MEIKIN: variants seen among roughly 807,000 people sequenced by gnomAD.
MEIKIN encodes meiotic kinetochore factor.
chr5:131,844,720 G>A (rs938190799), intron 11 of MEIKIN, among the ~76,000 whole-genome samples: 2 of 152,110 alleles, frequency 1.3e-5, no homozygotes, highest in Non-Finnish European at 2.9e-5. Context: ...ACAATATTGG[G>A]AACAGTACCT....
intron 5 of MEIKIN, among the ~76,000 whole-genome samples, chr5:131,930,151 G>A (rs1222551488): frequency 1.3e-5 from 2 of 152,170 alleles, no homozygotes; most frequent in African/African-American, 2.4e-5. Flanking sequence ...TGTACCAGCA[G>A]TGTATAAGCT....
At chr5:131,937,695 C>T (rs910745549) in intron 4 of MEIKIN, among the ~76,000 whole-genome samples, 3 of 152,046 alleles carry the variant, frequency 2.0e-5, no homozygotes, top group Admixed American at 1.3e-4. Context: ...ATTCTGAATA[C>T]GTTTTTCTCT....
At chr5:131,879,660 TCTC>T (rs1750672398) in intron 8 of MEIKIN, among the ~76,000 whole-genome samples, 3 of 152,314 alleles carry the variant, frequency 2.0e-5, no homozygotes, top group South Asian at 2.1e-4. Context: ...CTTTATTTCC[TCTC>T]CTCCTATTTA....
intron 4 of MEIKIN, among the ~76,000 whole-genome samples, chr5:131,934,791 CTCATGCCTGTAA>C (rs1751745945): frequency 6.6e-6 from 1 of 152,196 alleles, no homozygotes; most frequent in Admixed American, 6.5e-5. Context: ...GGTGCAGTGG[CTCATGCCTGTAA>C]TCCCAGCACT....
chr5:131,821,630 CTTT>C (rs375765946), intron 11 of MEIKIN, among the ~76,000 whole-genome samples: 81 of 50,434 alleles, frequency 1.6e-3, no homozygotes, highest in African/African-American at 8.7e-3. Flanking sequence ...TGAGGTCTGC[CTTT>C]TTTTTTTTTT....
intron 10 of MEIKIN, among the ~76,000 whole-genome samples, chr5:131,851,719 C>A (rs1030193863): frequency 6.6e-6 from 1 of 152,172 alleles, no homozygotes; most frequent in Non-Finnish European, 1.5e-5. Context: ...AGTGCCATAT[C>A]CATTTTTCTA....
intron 11 of MEIKIN, among the ~76,000 whole-genome samples, chr5:131,834,858 T>C (rs967495851): frequency 4.6e-5 from 7 of 152,180 alleles, no homozygotes; most frequent in African/African-American, 1.7e-4. Flanking sequence ...TTTTTAATTT[T>C]TTGAGGAACC....
intron 4 of MEIKIN, among the ~76,000 whole-genome samples, chr5:131,937,074 G>A (rs1255567031): frequency 6.6e-6 from 1 of 151,806 alleles, no homozygotes; most frequent in Non-Finnish European, 1.5e-5. Flanking sequence ...TGTTTTCTTG[G>A]TATTTCCCTT....
chr5:131,836,021 G>A (rs1749800237), intron 11 of MEIKIN, among the ~76,000 whole-genome samples: 1 of 152,128 alleles, frequency 6.6e-6, no homozygotes, highest in South Asian at 2.1e-4. Context: ...GTACCCATTA[G>A]TTATTTTTCC....
At chr5:131,925,421 C>T (rs1751570978) in intron 5 of MEIKIN, among the ~76,000 whole-genome samples, 1 of 152,162 alleles carries the variant, frequency 6.6e-6, no homozygotes, top group African/African-American at 2.4e-5. Context: ...ATGGGATGTG[C>T]ATCCATTTGC....
At chr5:131,942,452 A>G (rs950374338) in intron 4 of MEIKIN, among the ~76,000 whole-genome samples, 183 bp downstream of exon 4, 1 of 152,228 alleles carries the variant, frequency 6.6e-6, no homozygotes, top group African/African-American at 2.4e-5. Context: ...GTAATTTCAC[A>G]TTTACTGGCA....
chr5:131,835,955 C>A (rs1749798920), intron 11 of MEIKIN, among the ~76,000 whole-genome samples: 1 of 152,026 alleles, frequency 6.6e-6, no homozygotes, highest in South Asian at 2.1e-4. Flanking sequence ...ATTAGGTAAA[C>A]CCATATCATG....
chr5:131,914,586 G>C (rs866768250), intron 7 of MEIKIN, among the ~76,000 whole-genome samples: 1 of 45,558 alleles, frequency 2.2e-5, no homozygotes, highest in African/African-American at 1.1e-4. Context: ...GGAAGGGAAG[G>C]GAAGGGAAGG....
chr5:131,932,498 A>G (rs1378164653), intron 5 of MEIKIN, among the ~76,000 whole-genome samples: 42 of 151,558 alleles, frequency 2.8e-4, no homozygotes, highest in Non-Finnish European at 2.9e-5. Flanking sequence ...GCAAGAAGAC[A>G]AGCTCAACCA....
intron 5 of MEIKIN, among the ~76,000 whole-genome samples, chr5:131,931,709 G>A (rs890308235): frequency 7.2e-5 from 11 of 152,228 alleles, no homozygotes; most frequent in South Asian, 2.1e-4. Context: ...GGCGCCTGTC[G>A]ACTATTTTCT....
At chr5:131,861,848 T>C (rs1750290616) in intron 9 of MEIKIN, among the ~76,000 whole-genome samples, 1 of 152,208 alleles carries the variant, frequency 6.6e-6, no homozygotes, top group South Asian at 2.1e-4. Context: ...TTGGATTTAG[T>C]TTGCCAGTAT....
chr5:131,934,509 T>C (rs982202455), intron 4 of MEIKIN, among the ~76,000 whole-genome samples: 3 of 152,092 alleles, frequency 2.0e-5, no homozygotes, highest in African/African-American at 7.2e-5. Flanking sequence ...CAACTAGGTA[T>C]CCATATAAAA....
At chr5:131,873,007 A>G (rs1482816039) in intron 9 of MEIKIN, among the ~76,000 whole-genome samples, 1 of 152,220 alleles carries the variant, frequency 6.6e-6, no homozygotes, top group African/African-American at 2.4e-5. Flanking sequence ...AGCACTAAAC[A>G]TGGAAAGGAA....
rs543961778 is a variant in MEIKIN, at chr5:131,941,826, T to C, written c.349+809A>G. On this transcript the variant is annotated intron_variant, in intron 4 of 12. Coordinates refer to ENST00000442687, the MANE Select transcript of MEIKIN (RefSeq NM_001303622.2). ...TTTCAGTGAATGACACTACCTTGTATCCAGTTACACAAGCCAGAAACAGTA... is the reference window on the plus strand; with the variant it reads ...TTTCAGTGAATGACACTACCTTGTACCCAGTTACACAAGCCAGAAACAGTA... Among the ~76,000 whole-genome samples the C allele has an allele frequency of 2.7e-4, 41 of 152,318 alleles. No homozygotes were observed. In the East Asian group the frequency reaches 3.3e-3, roughly 12 times the overall value.
Sources: gnomAD v4.1 joint callset for allele counts (sites outside exome capture counted in the v4.1 genomes callset) on GRCh38, gnomAD v4.1.1 for gene constraint, MANE v1.5 for transcripts, NCBI Gene and HGNC (gene_info 2026-07-23, HGNC 2026-07-21) for gene names.